The following ITIH2 variants were observed in gnomAD, a reference collection of about 807,000 sequenced individuals.
The protein encoded by ITIH2 is inter-alpha-trypsin inhibitor heavy chain 2, also known as inter-alpha-trypsin inhibitor heavy chain H2.
Under a neutral mutation model 104.4 loss-of-function variants are expected in ITIH2, and 103 were observed. The ratio of observed to expected loss-of-function variants is 0.99; its 90% CI spans 0.84 to 1.16. ITIH2 has a LOEUF of 1.16. ITIH2 is among the 50% of genes most tolerant of loss of function. The pLI is 0.00. For missense variants in ITIH2, 1,108 were observed against 1,162.4 expected, an observed-to-expected ratio of 0.95 and a Z score of 0.68; for synonymous variants, 436 against 435.4, an observed-to-expected ratio of 1.00 and a Z score of -0.02.
At chr10:7,719,089 G>A (rs1351266492) in intron 6 of ITIH2, among the ~76,000 whole-genome samples, 2 of 152,218 alleles carry the variant, frequency 1.3e-5, no homozygotes, top group African/African-American at 2.4e-5. Flanking sequence ...AGATGGGAGA[G>A]TAAAGCAGAC....
chr10:7,732,206 T>A lies in ITIH2; in HGVS notation c.1648-132T>A, dbSNP rs1012621967. The A allele has an allele frequency of 4.5e-6, 5 of 1,105,796 alleles. No individual in the cohort carries two copies. In the African/African-American group the frequency reaches 7.8e-5, roughly 17 times the overall value. 68.5% of individuals were successfully genotyped at this position (1,105,796 alleles called of 1,614,324 possible). On this transcript the variant is annotated intron_variant, in intron 13 of 20. Coordinates refer to ENST00000358415, the MANE Select transcript of ITIH2 (RefSeq NM_002216.3). Reference sequence around the variant, plus strand: ...CCCAATCCCAAGCACAGGAATGCATTTCCTTCCTCCGTAGGCTTTGCCTTC... The same window carrying A: ...CCCAATCCCAAGCACAGGAATGCATATCCTTCCTCCGTAGGCTTTGCCTTC...
chr10:7,719,212 G>C (rs973241223), intron 6 of ITIH2, among the ~76,000 whole-genome samples: 4 of 152,304 alleles, frequency 2.6e-5, no homozygotes, highest in African/African-American at 9.6e-5. Context: ...CCACTGTTTG[G>C]CATCAGTTCA....
At chr10:7,713,071 G>A (rs1184066780) in intron 4 of ITIH2, 110 bp from the exon 5 acceptor site, 3 of 773,306 alleles carry the variant, frequency 3.9e-6, no homozygotes, top group Admixed American at 4.8e-5. Flanking sequence ...ACTGAACTGA[G>A]ATTGCACCAT....
chr10:7,730,183 C>G (rs769118075), intron 12 of ITIH2, 50 bp downstream of exon 12: 2 of 1,321,274 alleles, frequency 1.5e-6, no homozygotes, highest in East Asian at 2.3e-5. Context: ...AATCATTTAA[C>G]TACCCATATC....
intron 15 of ITIH2, among the ~76,000 whole-genome samples, chr10:7,735,674 C>CT (rs35122608): frequency 0.039 from 5,110 of 130,454 alleles, 202 homozygotes; most frequent in African/African-American, 0.099. Context: ...CTTTTCTTTT[C>CT]TTTTTTTTTT....
chr10:7,719,454 G>A (rs967351671), intron 6 of ITIH2, among the ~76,000 whole-genome samples: 1 of 152,128 alleles, frequency 6.6e-6, no homozygotes, highest in African/African-American at 2.4e-5. Context: ...CATGAATCCC[G>A]TGGTAAATAA....
In ITIH2 at chr10:7,710,900, C is replaced by G. The variant is rs554743102; in HGVS notation, c.362+1709C>G. ...CACAATCAGAATTTACTCAAAAGAT[C>G]TCTTATTTCTGTTTTCCTTCTTTTT... is the stretch of plus-strand genomic sequence containing the variant. On this transcript the variant is annotated intron_variant, in intron 4 of 20. Transcript: ENST00000358415. Among the ~76,000 whole-genome samples the G allele has an allele frequency of 5.9e-5, 9 of 151,606 alleles. No individual in the cohort carries two copies. In the South Asian group the frequency reaches 8.4e-4, roughly 14 times the overall value.
Position 7,743,157 on chromosome 10 carries a change from C to T in ITIH2, c.2107C>T (p.Pro703Ser). 1 of 1,520,336 alleles carries T rather than the reference C, an allele frequency of 6.6e-7. No individual in the cohort carries two copies. Among genetic ancestry groups the T allele is most frequent in the Non-Finnish European group, 9.0e-7 (1 of 1,112,018 alleles). The allele number at this position is 1,520,336 out of a possible 1,614,324, so 94.2% of individuals were successfully genotyped here. ...PPHVMRVENDPHFIIYLPKSQ... is the reference protein window; with the variant it reads ...PPHVMRVENDSHFIIYLPKSQ... ...TGTATATTTTCCAGTTGAAAATGACCCACATTTCATCATTTATCTACCAAA... is the reference window on the plus strand; with the variant it reads ...TGTATATTTTCCAGTTGAAAATGACTCACATTTCATCATTTATCTACCAAA... The change falls in exon 17 of 21, where the codon CCA (proline) becomes TCA (serine). Residue 703 changes from proline to serine, a missense_variant. Pro to Ser is a moderately conservative substitution (Grantham distance 74). Transcript: ENST00000358415.
rs145880141 is a variant in ITIH2 at position 7,721,938 on chromosome 10, G to T, written c.867+161G>T. Among the ~76,000 whole-genome samples the T allele has an allele frequency of 3.3e-3, 507 of 152,236 alleles. 3 individuals carry two copies. Among genetic ancestry groups the T allele is most frequent in the African/African-American group, 0.012 (478 of 41,534 alleles). On this transcript the variant is annotated intron_variant, in intron 8 of 20. Transcript: ENST00000358415. Reference sequence around the variant, plus strand: ...TCATATTCTTTGAATATACCGCTAAGCATTATCTTTTATGTATTAAAAACT... The same window carrying T: ...TCATATTCTTTGAATATACCGCTAATCATTATCTTTTATGTATTAAAAACT...
At chr10:7,736,454 T>A (rs1480491750) in intron 15 of ITIH2, among the ~76,000 whole-genome samples, 1 of 152,190 alleles carries the variant, frequency 6.6e-6, no homozygotes, top group Non-Finnish European at 1.5e-5. Flanking sequence ...TATATCCTAT[T>A]GTAATATATT....
At chr10:7,704,722 C>T (rs1337391123) in intron 1 of ITIH2, among the ~76,000 whole-genome samples, 1 of 152,106 alleles carries the variant, frequency 6.6e-6, no homozygotes, top group Non-Finnish European at 1.5e-5. Context: ...TGTGATTGCC[C>T]AGAGGTAGAG....
chr10:7,721,338 C>T (rs1399554363), intron 7 of ITIH2, among the ~76,000 whole-genome samples: 1 of 152,210 alleles, frequency 6.6e-6, no homozygotes, highest in Non-Finnish European at 1.5e-5. Context: ...TAAGGAGAAA[C>T]TCCTCTAAGA....
At chr10:7,709,562 G>C (rs1051382964) in intron 4 of ITIH2, among the ~76,000 whole-genome samples, 1 of 150,842 alleles carries the variant, frequency 6.6e-6, no homozygotes, top group African/African-American at 2.4e-5. Flanking sequence ...TTTCTCTATG[G>C]GAAAAAAAAA....
chr10:7,713,484 T>C, intron 5 of ITIH2, 199 bp downstream of exon 5: 2 of 539,732 alleles, frequency 3.7e-6, no homozygotes, highest in South Asian at 2.7e-5. Context: ...GGGTTTTGGG[T>C]GATCCCACGC....
At chr10:7,716,556 C>T (rs1173137299) in intron 5 of ITIH2, among the ~76,000 whole-genome samples, 2 of 151,510 alleles carry the variant, frequency 1.3e-5, no homozygotes, top group East Asian at 3.9e-4. Context: ...GTCAACATGG[C>T]GAAACCCTGA....
chr10:7,741,318 A>G (rs1273265642), intron 16 of ITIH2, among the ~76,000 whole-genome samples: 1 of 151,352 alleles, frequency 6.6e-6, no homozygotes, highest in African/African-American at 2.4e-5. Flanking sequence ...AGCTGGGATT[A>G]CTGGTGCCCG....
chr10:7,736,760 C>T lies in ITIH2; in HGVS notation c.1957+1669C>T, dbSNP rs116911582. On this transcript the variant is annotated intron_variant, in intron 15 of 20. Transcript: ENST00000358415. ...TGTATTCATGGGTAAGTATTATTTA[C>T]GAATGGATTGAAAGAGACAGGATTC... Among the ~76,000 whole-genome samples the T allele has an allele frequency of 5.4e-4, 82 of 152,096 alleles. No homozygotes were observed. The East Asian group carries it at 0.015, about 28-fold the overall frequency.
In ITIH2 at chr10:7,723,620, C is replaced by A. The variant is rs556371709; in HGVS notation, c.984+53C>A. ...GGGGGGATTCCCTATCTTCTTTGAT[C>A]CCCTCCTAAAAATGCAATCATTCTA... On this transcript the variant is annotated intron_variant, in intron 9 of 20. Coordinates refer to ENST00000358415, the MANE Select transcript of ITIH2 (RefSeq NM_002216.3). 510 of 1,113,004 alleles carry A rather than the reference C, an allele frequency of 4.6e-4. 1 individual carries two copies. The highest frequency in any genetic ancestry group is 8.3e-4 in the Admixed American group (49 of 59,140). 68.9% of individuals were successfully genotyped at this position (1,113,004 alleles called of 1,614,324 possible).
At chr10:7,728,760 G>T (rs1461115045) in intron 11 of ITIH2, among the ~76,000 whole-genome samples, 1 of 152,050 alleles carries the variant, frequency 6.6e-6, no homozygotes, top group Non-Finnish European at 1.5e-5. Context: ...AGATTGTGTT[G>T]CCTGAGTGTG....
Sources: allele counts gnomAD v4.1 joint callset (sites outside exome capture counted in the v4.1 genomes callset), GRCh38; gene constraint gnomAD v4.1.1; transcripts MANE v1.5; gene names NCBI Gene and HGNC (gene_info 2026-07-23, HGNC 2026-07-21).